The following CFAP299 variants were observed in gnomAD, a reference collection of about 807,000 sequenced individuals.
CFAP299 encodes cilia and flagella associated protein 299.
A neutral mutation model predicts 27.0 loss-of-function variants in CFAP299; 21 were observed. The observed-to-expected ratio is 0.78, with a 90% CI of 0.55 to 1.12. The LOEUF (loss-of-function observed/expected upper bound fraction) is 1.12, where lower values mean the gene tolerates loss of function less well. Among genes scored for constraint, CFAP299 ranks in the 50% most tolerant of loss-of-function variants. CFAP299 has a pLI of 0.00. For missense variants in CFAP299, 310 were observed against 276.6 expected (o/e 1.12, Z -0.86); for synonymous variants, 104 against 98.1 (o/e 1.06, Z -0.36).
At chr4:80,422,471 CAG>C (rs1279790466) in intron 2 of CFAP299, among the ~76,000 whole-genome samples, 1 of 152,132 alleles carries the variant, frequency 6.6e-6, no homozygotes, top group Non-Finnish European at 1.5e-5. Context: ...AAGTTCCTGA[CAG>C]ATGAGATTAC....
At chr4:80,447,123 T>TA (rs1163041635) in intron 2 of CFAP299, among the ~76,000 whole-genome samples, 2 of 122,184 alleles carry the variant, frequency 1.6e-5, no homozygotes. Context: ...TTATTTGTTT[T>TA]TTTTTTGTTT....
At chr4:80,623,929 C>T (rs1486026) in intron 3 of CFAP299, among the ~76,000 whole-genome samples, 1,727 of 152,278 alleles carry the variant, frequency 0.011, 35 homozygotes, top group African/African-American at 0.036. Context: ...TCTCAGTGTA[C>T]GCCAGGCTTC....
intron 1 of CFAP299, among the ~76,000 whole-genome samples, chr4:80,338,283 ATT>A (rs571433842): frequency 1.3e-5 from 2 of 152,154 alleles, no homozygotes; most frequent in Non-Finnish European, 2.9e-5. Flanking sequence ...CATAATTATC[ATT>A]TTTTTGTGGT....
At chr4:80,592,797 T>G (rs1736851371) in intron 3 of CFAP299, among the ~76,000 whole-genome samples, 1 of 152,208 alleles carries the variant, frequency 6.6e-6, no homozygotes, top group African/African-American at 2.4e-5. Context: ...AGGAGAAAAT[T>G]ACGTTGCATA....
At chr4:80,392,357 G>T (rs757883347) in intron 2 of CFAP299, among the ~76,000 whole-genome samples, 1 of 152,154 alleles carries the variant, frequency 6.6e-6, no homozygotes, top group Non-Finnish European at 1.5e-5. Context: ...GATTTGCGAG[G>T]TGCCAGGGAC....
intron 2 of CFAP299, among the ~76,000 whole-genome samples, chr4:80,427,634 C>G (rs1051662194): frequency 2.0e-5 from 3 of 152,066 alleles, no homozygotes; most frequent in East Asian, 1.9e-4. Flanking sequence ...TTATGTGGCC[C>G]GTGAAAGATT....
chr4:80,789,516 G>A (rs949858555), intron 3 of CFAP299, among the ~76,000 whole-genome samples: 4 of 152,106 alleles, frequency 2.6e-5, no homozygotes, highest in East Asian at 3.9e-4. Flanking sequence ...TTGTTAATAT[G>A]TTGATAAATT....
chr4:80,795,267 C>G (rs1727791233), intron 3 of CFAP299, among the ~76,000 whole-genome samples: 1 of 152,218 alleles, frequency 6.6e-6, no homozygotes, highest in Non-Finnish European at 1.5e-5. Flanking sequence ...CCTGACCATA[C>G]AGCCAAACCA....
chr4:80,937,610 T>A (rs1736979055), intron 4 of CFAP299, among the ~76,000 whole-genome samples: 1 of 152,156 alleles, frequency 6.6e-6, no homozygotes, highest in Admixed American at 6.6e-5. Flanking sequence ...ATTTTATTTA[T>A]ATGTGTCCTC....
intron 3 of CFAP299, among the ~76,000 whole-genome samples, chr4:80,651,291 CTCT>C (rs1740267249): frequency 3.6e-4 from 15 of 42,202 alleles, no homozygotes; most frequent in Admixed American, 1.2e-3. Context: ...CTCTCTCTTA[CTCT>C]CTCTCTCTTT....
chr4:80,939,059 C>A (rs1465627397), intron 4 of CFAP299, among the ~76,000 whole-genome samples: 1 of 152,086 alleles, frequency 6.6e-6, no homozygotes, highest in Non-Finnish European at 1.5e-5. Context: ...GGAATGTTCC[C>A]TTTGTAGATG....
intron 3 of CFAP299, among the ~76,000 whole-genome samples, chr4:80,607,586 A>G (rs1427419833): frequency 6.6e-6 from 1 of 152,148 alleles, no homozygotes; most frequent in Non-Finnish European, 1.5e-5. Flanking sequence ...ATTGTAAGAC[A>G]GAAAAAAAAG....
At position 80,396,620 on chromosome 4, in the gene CFAP299, T is replaced by C. The variant is rs552460868; in HGVS notation, c.242+33736T>C. Among the ~76,000 whole-genome samples, 12 of 152,210 alleles carry C rather than the reference T, an allele frequency of 7.9e-5. 1 individual carries two copies. The South Asian group carries it at 2.5e-3, about 32-fold the overall frequency. ...GCCTAGTTTGATTTCTTTTTAAAAT[T>C]TAAATTTTGAGATAATCATGTGGTT... On this transcript the variant is annotated intron_variant, in intron 2 of 5. Coordinates refer to ENST00000358105, the MANE Select transcript of CFAP299 (RefSeq NM_152770.3).
intron 3 of CFAP299, among the ~76,000 whole-genome samples, chr4:80,598,362 T>C (rs1737163086): frequency 1.3e-5 from 2 of 152,240 alleles, no homozygotes; most frequent in African/African-American, 4.8e-5. Flanking sequence ...TATTGATTTA[T>C]TACATTGGCT....
chr4:80,543,036 GA>G (rs1734077465), intron 2 of CFAP299, among the ~76,000 whole-genome samples: 1 of 152,094 alleles, frequency 6.6e-6, no homozygotes, highest in Admixed American at 6.6e-5. Flanking sequence ...GGTACCAGGG[GA>G]CAAAGTTACA....
chr4:80,709,661 A>G (rs901238491), intron 3 of CFAP299, among the ~76,000 whole-genome samples: 2 of 152,204 alleles, frequency 1.3e-5, no homozygotes, highest in Non-Finnish European at 2.9e-5. Context: ...CACTAGGCAC[A>G]GTGTGGAACA....
At chr4:80,833,112 G>T (rs1053617307) in intron 3 of CFAP299, among the ~76,000 whole-genome samples, 23 of 151,974 alleles carry the variant, frequency 1.5e-4, no homozygotes, top group Non-Finnish European at 3.4e-4. Context: ...ACATTACTCA[G>T]CATGTGATTA....
chr4:80,462,341 G>A (rs909614654), intron 2 of CFAP299, among the ~76,000 whole-genome samples: 73 of 152,062 alleles, frequency 4.8e-4, no homozygotes, highest in African/African-American at 1.6e-3. Context: ...CAACCATTCT[G>A]GCGGAGCAGA....
intron 2 of CFAP299, among the ~76,000 whole-genome samples, chr4:80,440,581 A>T (rs1407444491): frequency 2.0e-5 from 3 of 152,126 alleles, no homozygotes; most frequent in South Asian, 2.1e-4. Context: ...CAGAAGATTT[A>T]AAAAAAACAA....
Sources: gnomAD v4.1 joint callset for allele counts (sites outside exome capture counted in the v4.1 genomes callset) on GRCh38, gnomAD v4.1.1 for gene constraint, MANE v1.5 for transcripts, NCBI Gene and HGNC (gene_info 2026-07-23, HGNC 2026-07-21) for gene names.